CSNK1A1: variants seen among roughly 807,000 people sequenced by gnomAD.
The protein encoded by CSNK1A1 is casein kinase I isoform alpha.
In CSNK1A1, 7 loss-of-function variants were observed where a neutral mutation model predicts 46.1. The observed-to-expected ratio is 0.15, with a 90% CI of 0.09 to 0.29. CSNK1A1 has a LOEUF of 0.29. Ranked by LOEUF, CSNK1A1 falls within the 10% of genes least tolerant of loss-of-function variation. CSNK1A1 has a pLI of 1.00. For synonymous variants in CSNK1A1, 137 were observed against 141.5 expected, an observed-to-expected ratio of 0.97 and a Z score of 0.23; for missense variants, 96 against 417.1, an observed-to-expected ratio of 0.23 and a Z score of 6.71.
Position 149,513,113 on chromosome 5 carries a change from C to T in CSNK1A1, c.553G>A (p.Ala185Thr), listed in dbSNP as rs2113092559. 1 of 1,614,082 alleles carries T rather than the reference C, an allele frequency of 6.2e-7. No homozygotes were observed. Among genetic ancestry groups the T allele is most frequent in the Non-Finnish European group, 8.5e-7 (1 of 1,179,988 alleles). ...YREDKNLTGT[A>T]RYASINAHLG... ...TGTGCATTGATGCTAGCATATCGGG[C>T]AGTGCCAGTGAGGTTTTTATCTTCT... Residue 185 changes from alanine to threonine, a missense_variant, in exon 5 of 10, where the codon GCC becomes ACC. By Grantham distance (58) the Ala-to-Thr change is moderately conservative. Coordinates refer to ENST00000377843, the MANE Select transcript of CSNK1A1 (RefSeq NM_001892.6).
At chr5:149,529,761 A>T (rs770685092) in intron 2 of CSNK1A1, 4 of 456,236 alleles carry the variant, frequency 8.8e-6, no homozygotes, top group South Asian at 6.2e-5. Context: ...TTTGTGGCTG[A>T]GACATAATTA....
At chr5:149,503,406 C>G (rs1424473244) in intron 9 of CSNK1A1, 2 of 985,332 alleles carry the variant, frequency 2.0e-6, no homozygotes, top group East Asian at 2.3e-4. Flanking sequence ...AGTCTGTGTT[C>G]TGTGAAATGG....
intron 6 of CSNK1A1, 36 bp downstream of exon 6, chr5:149,511,756 AAG>A (rs774314203): frequency 9.4e-6 from 13 of 1,379,732 alleles, no homozygotes; most frequent in South Asian, 3.8e-5. Context: ...TATTCTAAAA[AAG>A]AGAGAGAAAA....
chr5:149,545,592 G>A (rs1472892836), intron 2 of CSNK1A1: 2 of 807,836 alleles, frequency 2.5e-6, no homozygotes, highest in Non-Finnish European at 4.2e-6. Context: ...CACCCTTTGG[G>A]ATCTTGGGCT....
At chr5:149,542,646 A>G (rs373011082) in intron 2 of CSNK1A1, among the ~76,000 whole-genome samples, 218 of 5,756 alleles carry the variant, frequency 0.038, 20 homozygotes, top group South Asian at 0.062. Context: ...ATATGTATAT[A>G]TATATATATA....
intron 6 of CSNK1A1, among the ~76,000 whole-genome samples, chr5:149,510,656 T>A (rs921753245): frequency 4.0e-5 from 6 of 151,580 alleles, no homozygotes; most frequent in Admixed American, 1.3e-4. Context: ...TTTTTTTTTT[T>A]AAAGTAGAGG....
intron 9 of CSNK1A1, chr5:149,503,637 T>A: frequency 1.0e-6 from 1 of 985,414 alleles, no homozygotes; most frequent in Non-Finnish European, 1.2e-6. Flanking sequence ...TAAACAAGTT[T>A]AATTACAGTT....
chr5:149,493,657 C>A lies in CSNK1A1; in HGVS notation c.*3196G>T, dbSNP rs1760581996. 6.6e-6 allele frequency: 1 copy of A among 150,938 alleles called. No homozygotes were observed. Among genetic ancestry groups the A allele is most frequent in the Non-Finnish European group, 1.5e-5 (1 of 67,846 alleles). The allele number at this position is 150,938 out of a possible 1,614,324, so 9.3% of individuals were successfully genotyped here. The stretch of plus-strand genomic sequence containing the variant: ...AAAAAGATTGTCATTAAGAATATTA[C>A]AATAGAAATGGAAGTTTTGAGGAGG... On this transcript the variant is annotated 3_prime_UTR_variant, in exon 10 of 10. Coordinates refer to ENST00000377843, the MANE Select transcript of CSNK1A1 (RefSeq NM_001892.6).
At chr5:149,541,623 A>G (rs1762233422) in intron 2 of CSNK1A1, among the ~76,000 whole-genome samples, 1 of 152,222 alleles carries the variant, frequency 6.6e-6, no homozygotes, top group Non-Finnish European at 1.5e-5. Context: ...GAACAGTGAC[A>G]GATCATGAGA....
chr5:149,549,632 C>A, intron 2 of CSNK1A1: 1 of 654,396 alleles, frequency 1.5e-6, no homozygotes, highest in Admixed American at 2.2e-5. Context: ...CATGTTGGAA[C>A]AAAAACACAA....
chr5:149,506,699 T>C (rs901713226), intron 8 of CSNK1A1, among the ~76,000 whole-genome samples: 6 of 152,236 alleles, frequency 3.9e-5, no homozygotes, highest in South Asian at 4.1e-4. Context: ...GATATTTTAA[T>C]TGCTTTTTAT....
chr5:149,516,595 T>G lies in CSNK1A1; in HGVS notation c.457-3386A>C, dbSNP rs372227066. ...AAATCTAAACAATGTAATACAACTT[T>G]CTTTGTAAATTATTAAATGATGCTA... On this transcript the variant is annotated intron_variant, in intron 4 of 9. Transcript: ENST00000377843. Among the ~76,000 whole-genome samples the G allele has an allele frequency of 2.0e-4, 30 of 152,234 alleles. No homozygotes were observed. In the East Asian group the frequency reaches 5.2e-3, roughly 26 times the overall value.
intron 2 of CSNK1A1, among the ~76,000 whole-genome samples, chr5:149,533,266 C>T (rs1267837990): frequency 6.6e-6 from 1 of 151,794 alleles, no homozygotes; most frequent in African/African-American, 2.4e-5. Context: ...TTGCTGCTTT[C>T]GTGGCTTATA....
rs1554118044 is a variant in CSNK1A1 at position 149,544,737 on chromosome 5, T to TATATA, written c.230+5337_230+5338insTATAT. On this transcript the variant is annotated intron_variant, in intron 2 of 9. Transcript: ENST00000377843. ...GTGAGGATGATGAGGGTAAAGAGCT[T>TATATA]TATATATATATATATATATATATAT... Among the ~76,000 whole-genome samples the TATATA allele has an allele frequency of 1.2e-3, 94 of 80,796 alleles. 7 individuals are homozygous for TATATA. Among genetic ancestry groups the TATATA allele is most frequent in the Middle Eastern group, 5.7e-3 (1 of 174 alleles). The allele number at this position is 80,796 out of a possible 152,430, so 53.0% of individuals were successfully genotyped here. A position where few individuals can be genotyped will look rare whatever the true frequency, so the allele number is the denominator to read the frequency against.
intron 2 of CSNK1A1, among the ~76,000 whole-genome samples, chr5:149,527,319 C>T (rs901886573): frequency 6.6e-6 from 1 of 151,904 alleles, no homozygotes; most frequent in Non-Finnish European, 1.5e-5. Context: ...GTAGTGACGG[C>T]GTTTCACAAT....
At position 149,513,189 on chromosome 5, in the gene CSNK1A1, A is replaced by G. The variant is rs1188939194; in HGVS notation, c.477T>C (p.Gly159=). 6.2e-7 allele frequency: 1 copy of G among 1,613,682 alleles called. No individual in the cohort carries two copies. The highest frequency in any genetic ancestry group is 8.5e-7 in the Non-Finnish European group (1 of 1,179,870). ...TGTTGTCTCTGTACTTTTTGGCCAA[A>G]CCAAAATCAATAAGGAATAACTTTA... The part of the protein sequence containing the change: ...HCNKLFLIDF[G]LAKKYRDNRT... Residue 159 remains glycine, a synonymous_variant, in exon 5 of 10, where the codon GGT becomes GGC. Transcript: ENST00000377843.
At chr5:149,538,168 A>C (rs1252212613) in intron 2 of CSNK1A1, among the ~76,000 whole-genome samples, 1 of 151,872 alleles carries the variant, frequency 6.6e-6, no homozygotes, top group Non-Finnish European at 1.5e-5. Context: ...GATTACAGGC[A>C]TGTGCCACCA....
At chr5:149,542,638 A>ATG (rs1561772517) in intron 2 of CSNK1A1, among the ~76,000 whole-genome samples, 3 of 12,886 alleles carry the variant, frequency 2.3e-4, no homozygotes, top group African/African-American at 1.5e-3. Context: ...ATATATATAT[A>ATG]TGTATATATA....
Position 149,496,577 on chromosome 5 carries a change from T to G in CSNK1A1, c.*276A>C. ...CACCAATTTTTGTGTGTCAACCATTTAGTTAACTTTTCCACTTGAAAAAAT... is the reference window on the plus strand; with the variant it reads ...CACCAATTTTTGTGTGTCAACCATTGAGTTAACTTTTCCACTTGAAAAAAT... On this transcript the variant is annotated 3_prime_UTR_variant, in exon 10 of 10. Coordinates refer to ENST00000377843, the MANE Select transcript of CSNK1A1 (RefSeq NM_001892.6). 1 of 418,968 alleles carries G rather than the reference T, an allele frequency of 2.4e-6. No homozygotes were observed. The highest frequency in any genetic ancestry group is 4.2e-6 in the Non-Finnish European group (1 of 238,500). The allele number at this position is 418,968 out of a possible 1,614,324, so 26.0% of individuals were successfully genotyped here.
Sources: gnomAD v4.1 joint callset for allele counts (sites outside exome capture counted in the v4.1 genomes callset) on GRCh38, gnomAD v4.1.1 for gene constraint, MANE v1.5 for transcripts, NCBI Gene and HGNC (gene_info 2026-07-23, HGNC 2026-07-21) for gene names.